Variants in ADCY3 observed in about 807,000 individuals in gnomAD.
ADCY3 encodes adenylate cyclase 3.
In ADCY3, 70 loss-of-function variants were observed where a neutral mutation model predicts 119.4. The observed-to-expected ratio is 0.59, with a 90% confidence interval of 0.48 to 0.72. ADCY3 has a LOEUF of 0.72. ADCY3 is among the 30% of genes least tolerant of loss of function. The pLI, the probability that ADCY3 is intolerant of heterozygous loss-of-function variation, is 0.00. For missense variants in ADCY3, 1,238 were observed against 1,541.6 expected (o/e 0.80, Z 3.30); for synonymous variants, 672 against 621.4 (o/e 1.08, Z -1.21).
intron 3 of ADCY3, among the ~76,000 whole-genome samples, chr2:24,848,566 C>G (rs1301948506): frequency 5.9e-5 from 9 of 152,154 alleles, no homozygotes; most frequent in Admixed American, 5.9e-4. Flanking sequence ...CCGAGCTGGT[C>G]TCGGCATAAG....
Position 24,822,587 on chromosome 2 carries a change from G to A in ADCY3, c.2927C>T (p.Thr976Ile). 6.2e-7 allele frequency: 1 copy of A among 1,614,122 alleles called. No individual in the cohort carries two copies. Among genetic ancestry groups the A allele is most frequent in the Non-Finnish European group, 8.5e-7 (1 of 1,180,012 alleles). Residue 976 changes from threonine to isoleucine, a missense_variant, in exon 19 of 22, where the codon ACC becomes ATC. Transcript: ENST00000679454. ...PKFRVITKIK[T>I]IGSTYMAASG... ...AGCCGCCATATACGTGCTGCCAATG[G>A]TTTTGATCTTGGTGATCACCCGGAA... is the stretch of plus-strand genomic sequence containing the variant.
chr2:24,871,476 T>G (rs1675003257), intron 3 of ADCY3, among the ~76,000 whole-genome samples: 2 of 152,234 alleles, frequency 1.3e-5, no homozygotes, highest in Admixed American at 6.5e-5. Context: ...GACAGTGGAA[T>G]CGGAGGCCCA....
rs562473926 is a variant in ADCY3, at chr2:24,896,830, T to C, written c.675+21483A>G. Among the ~76,000 whole-genome samples the C allele has an allele frequency of 5.3e-5, 8 of 152,288 alleles. No homozygotes were observed. The South Asian group carries it at 1.7e-3, about 32-fold the overall frequency. ...AACTTGGTGTCTCCAAATTCTGATC[T>C]CTGTTCCCTCAACTTAGTAATCTCG... On this transcript the variant is annotated intron_variant, in intron 2 of 21. Coordinates refer to ENST00000679454, the MANE Select transcript of ADCY3 (RefSeq NM_004036.5).
intron 8 of ADCY3, 126 bp from the exon 9 acceptor site, chr2:24,837,171 T>C: frequency 1.7e-6 from 2 of 1,147,164 alleles, no homozygotes; most frequent in Non-Finnish European, 2.4e-6. Context: ...AGAACTTGCT[T>C]GTGGATTGCA....
intron 2 of ADCY3, among the ~76,000 whole-genome samples, chr2:24,915,688 G>A (rs139721305): frequency 3.3e-5 from 5 of 152,092 alleles, no homozygotes; most frequent in Non-Finnish European, 7.4e-5. Flanking sequence ...TTATAAGCAC[G>A]CCCCATCACA....
chr2:24,826,631 T>G (rs1325326411), intron 15 of ADCY3: 2 of 154,596 alleles, frequency 1.3e-5, no homozygotes, highest in African/African-American at 4.8e-5. Flanking sequence ...GTCATTTGGG[T>G]TGTTTTCATT....
intron 2 of ADCY3, among the ~76,000 whole-genome samples, chr2:24,911,070 C>T (rs957595023): frequency 6.6e-6 from 1 of 152,080 alleles, no homozygotes; most frequent in African/African-American, 2.4e-5. Context: ...ACACTCAACA[C>T]CCCAGACATC....
intron 2 of ADCY3, among the ~76,000 whole-genome samples, chr2:24,875,645 C>A (rs988376063): frequency 2.0e-5 from 3 of 152,218 alleles, no homozygotes; most frequent in Non-Finnish European, 4.4e-5. Flanking sequence ...CCAGGCAACA[C>A]TGACGTGCAG....
chr2:24,824,487 T>C lies in ADCY3; in HGVS notation c.2627A>G (p.Asp876Gly), dbSNP rs989488388. The change falls in exon 17 of 22, where the codon GAC (aspartate) becomes GGC (glycine). Residue 876 changes from aspartate to glycine, a missense_variant. Coordinates refer to ENST00000679454, the MANE Select transcript of ADCY3 (RefSeq NM_004036.5). The stretch of plus-strand genomic sequence containing the variant: ...CATCTCATAGACACGTTCCTTCTGG[T>C]CGTGGACCTCAATCTTCCACAAGAA... ...TLFLWKIEVHDQKERVYEMRR... is the reference protein window; with the variant it reads ...TLFLWKIEVHGQKERVYEMRR... 3 of 1,614,212 alleles carry C rather than the reference T, an allele frequency of 1.9e-6. No homozygotes were observed. Among genetic ancestry groups the C allele is most frequent in the Non-Finnish European group, 2.5e-6 (3 of 1,180,036 alleles).
At chr2:24,843,370 G>A (rs530844245) in intron 3 of ADCY3, among the ~76,000 whole-genome samples, 1 of 152,174 alleles carries the variant, frequency 6.6e-6, no homozygotes, top group Non-Finnish European at 1.5e-5. Flanking sequence ...GTAGCTGGGA[G>A]TACAGGCATG....
intron 17 of ADCY3, among the ~76,000 whole-genome samples, chr2:24,823,626 CAT>C (rs915508506): frequency 4.3e-4 from 65 of 151,348 alleles, no homozygotes; most frequent in Admixed American, 4.1e-3. Context: ...ACCACAGACA[CAT>C]GTCACCATGC....
chr2:24,906,467 G>A (rs1679450638), intron 2 of ADCY3, among the ~76,000 whole-genome samples: 1 of 152,208 alleles, frequency 6.6e-6, no homozygotes, highest in African/African-American at 2.4e-5. Flanking sequence ...ACCAATGAAA[G>A]GTAAACTGTA....
intron 3 of ADCY3, among the ~76,000 whole-genome samples, chr2:24,864,884 T>C (rs1327015361): frequency 6.6e-6 from 1 of 152,224 alleles, no homozygotes; most frequent in Middle Eastern, 3.2e-3. Context: ...ACAGTAGCTA[T>C]ATATATAATT....
chr2:24,872,180 A>G lies in ADCY3; in HGVS notation c.825+390T>C, dbSNP rs527254684. On this transcript the variant is annotated intron_variant, in intron 3 of 21. Coordinates refer to ENST00000679454, the MANE Select transcript of ADCY3 (RefSeq NM_004036.5). This position sits in a 1 kb window ranked among gnomAD's most constrained non-coding sequence, Gnocchi z 4.4. ...GGTGGTGGAGGCGTGACGTGAAGGA[A>G]TGCCCGTGATGCCCCTGACCCTGAC... is the stretch of plus-strand genomic sequence containing the variant. Among the ~76,000 whole-genome samples the G allele has an allele frequency of 5.9e-5, 9 of 152,338 alleles. No homozygotes were observed. Among genetic ancestry groups the G allele is most frequent in the Non-Finnish European group, 1.3e-4 (9 of 68,036 alleles).
At chr2:24,907,376 C>T (rs1662992702) in intron 2 of ADCY3, among the ~76,000 whole-genome samples, 1 of 152,130 alleles carries the variant, frequency 6.6e-6, no homozygotes, top group African/African-American at 2.4e-5. Flanking sequence ...AGTCCAGTCG[C>T]TTATGTTGGG....
At chr2:24,892,378 A>G (rs935086658) in intron 2 of ADCY3, among the ~76,000 whole-genome samples, 2 of 151,796 alleles carry the variant, frequency 1.3e-5, no homozygotes, top group Admixed American at 6.6e-5. Flanking sequence ...CCTCCCAAGT[A>G]GCTGGGATTA....
chr2:24,826,244 C>T (rs1449615234), intron 15 of ADCY3, 118 bp from the exon 16 acceptor site: 1 of 831,210 alleles, frequency 1.2e-6, no homozygotes, highest in Non-Finnish European at 1.9e-6. Flanking sequence ...CTCACCCCGG[C>T]TCCTTAGGCC....
chr2:24,830,608 C>T lies in ADCY3; in HGVS notation c.2172+101G>A, dbSNP rs141286755. 573 of 837,392 alleles carry T rather than the reference C, an allele frequency of 6.8e-4. 4 individuals carry two copies. Among genetic ancestry groups the T allele is most frequent in the South Asian group, 1.9e-3 (119 of 61,378 alleles). 51.9% of individuals were successfully genotyped at this position (837,392 alleles called of 1,614,324 possible). On this transcript the variant is annotated intron_variant, in intron 13 of 21. Coordinates refer to ENST00000679454, the MANE Select transcript of ADCY3 (RefSeq NM_004036.5). ...TAAGAGCCACTCCAAAGCTACATGA[C>T]GGTGGAGGGATGGACTGAGAAACTG...
intron 11 of ADCY3, 33 bp from the exon 12 acceptor site, chr2:24,831,782 A>AGAGGGGACAGTGAGATGGGGT (rs754403460): frequency 4.6e-5 from 60 of 1,292,296 alleles, no homozygotes; most frequent in Non-Finnish European, 5.9e-5. Flanking sequence ...GGGAGAGGCC[A>AGAGGGGACAGTGAGATGGGGT]GAGGGGACAG....
Sources: gnomAD v4.1 joint callset for allele counts (sites outside exome capture counted in the v4.1 genomes callset) on GRCh38, gnomAD v4.1.1 for gene constraint, Gnocchi (gnomAD v3.1) non-coding constraint, MANE v1.5 for transcripts, NCBI Gene and HGNC (gene_info 2026-07-23, HGNC 2026-07-21) for gene names.